The following ASH1L variants were observed in gnomAD, a reference collection of about 807,000 sequenced individuals.
ASH1L encodes histone-lysine N-methyltransferase ASH1L.
In ASH1L, 23 loss-of-function variants were observed where a neutral mutation model predicts 269.0. The observed-to-expected ratio is 0.09, with a 90% CI of 0.06 to 0.12. The LOEUF (loss-of-function observed/expected upper bound fraction) is 0.12. ASH1L is among the 10% of genes least tolerant of loss of function. ASH1L has a pLI of 1.00. For synonymous variants in ASH1L, 1,187 were observed against 1,253.5 expected (o/e 0.95, Z 1.12); for missense variants, 2,912 against 3,567.8 (o/e 0.82, Z 4.68).
At chr1:155,490,921 T>A (rs1204998314) in intron 2 of ASH1L, among the ~76,000 whole-genome samples, 2 of 118,588 alleles carry the variant, frequency 1.7e-5, no homozygotes, top group Non-Finnish European at 3.2e-5. Flanking sequence ...TGAGCCATGA[T>A]CACACCACTG....
intron 5 of ASH1L, among the ~76,000 whole-genome samples, chr1:155,417,319 A>G (rs1402735562): frequency 2.0e-5 from 3 of 152,078 alleles, no homozygotes; most frequent in African/African-American, 7.2e-5. Flanking sequence ...GAAAAGGGAT[A>G]TATCAGAGTA....
intron 6 of ASH1L, among the ~76,000 whole-genome samples, chr1:155,403,327 A>C (rs1045103673): frequency 6.6e-5 from 10 of 152,314 alleles, no homozygotes; most frequent in African/African-American, 2.2e-4. Context: ...TTCAAAAAAA[A>C]CCAAAAAAAC....
At chr1:155,464,493 GA>G (rs1239681434) in intron 3 of ASH1L, among the ~76,000 whole-genome samples, 7 of 151,630 alleles carry the variant, frequency 4.6e-5, no homozygotes, top group Middle Eastern at 3.2e-3. Context: ...ATAAATGCAG[GA>G]AGTAGAAATT....
chr1:155,401,452 T>A (rs1426486812), intron 6 of ASH1L, among the ~76,000 whole-genome samples: 1 of 134,284 alleles, frequency 7.4e-6, no homozygotes, highest in African/African-American at 2.9e-5. Flanking sequence ...GACTCCAGCC[T>A]GGGTGACACA....
At chr1:155,491,792 C>G (rs756589584) in intron 2 of ASH1L, among the ~76,000 whole-genome samples, 12 of 151,966 alleles carry the variant, frequency 7.9e-5, no homozygotes, top group Non-Finnish European at 1.8e-4. Context: ...GCCTCAGCCT[C>G]CCAAGTAGCT....
At chr1:155,457,455 G>T (rs558693896) in intron 4 of ASH1L, among the ~76,000 whole-genome samples, 1 of 152,014 alleles carries the variant, frequency 6.6e-6, no homozygotes, top group East Asian at 1.9e-4. Context: ...GCCTTTCTTC[G>T]AAAGTGCTGT....
intron 17 of ASH1L, 135 bp downstream of exon 17, chr1:155,352,571 T>C (rs1654026996): frequency 2.3e-6 from 2 of 868,688 alleles, no homozygotes; most frequent in African/African-American, 1.8e-5. Context: ...TTGGGAGGCC[T>C]AGACAGAAGG....
In ASH1L at chr1:155,562,146, T is replaced by C; in HGVS notation, c.-100+7A>G. On this transcript the variant is annotated splice_region_variant and intron_variant, in intron 1 of 27. Coordinates refer to ENST00000392403, the MANE Select transcript of ASH1L (RefSeq NM_018489.3). ...GCCCGAATGCCGGCCCAAATCGTTC[T>C]ACTCACCGTGTCGGAGGCCGAGGCC... The C allele has an allele frequency of 6.5e-7, 1 of 1,541,114 alleles. No individual in the cohort carries two copies. Among genetic ancestry groups the C allele is most frequent in the Non-Finnish European group, 8.9e-7 (1 of 1,123,406 alleles).
chr1:155,532,468 T>A (rs1669732380), intron 1 of ASH1L, among the ~76,000 whole-genome samples: 1 of 152,132 alleles, frequency 6.6e-6, no homozygotes, highest in Admixed American at 6.6e-5. Context: ...GCCATTCTAA[T>A]CCCACATCCA....
chr1:155,413,268 T>C (rs1480502907), intron 6 of ASH1L, among the ~76,000 whole-genome samples: 1 of 152,168 alleles, frequency 6.6e-6, no homozygotes, highest in Non-Finnish European at 1.5e-5. Flanking sequence ...GCAATTTAAA[T>C]TCTAGCCAAT....
chr1:155,352,167 T>C (rs1274704012), intron 17 of ASH1L, among the ~76,000 whole-genome samples: 1 of 151,896 alleles, frequency 6.6e-6, no homozygotes, highest in African/African-American at 2.4e-5. Context: ...GAGATGAGCC[T>C]ACTTGAGAAT....
intron 10 of ASH1L, among the ~76,000 whole-genome samples, chr1:155,373,632 T>C (rs183981242): frequency 3.9e-5 from 6 of 152,108 alleles, no homozygotes; most frequent in East Asian, 3.9e-4. Context: ...TTTTGGTGTA[T>C]GGTTTGAAAT....
intron 6 of ASH1L, among the ~76,000 whole-genome samples, chr1:155,397,734 G>C (rs893343802): frequency 6.6e-6 from 1 of 151,882 alleles, no homozygotes; most frequent in African/African-American, 2.4e-5. Context: ...GCTATTTTTT[G>C]TATTTTTAGT....
At chr1:155,517,958 G>T (rs1243472407) in intron 2 of ASH1L, among the ~76,000 whole-genome samples, 1 of 151,046 alleles carries the variant, frequency 6.6e-6, no homozygotes, top group African/African-American at 2.4e-5. Context: ...CCGCCACTAC[G>T]CCCGGCTAAT....
At chr1:155,415,629 A>G in intron 6 of ASH1L, 115 bp downstream of exon 6, 1 of 1,257,974 alleles carries the variant, frequency 7.9e-7, no homozygotes, top group East Asian at 2.3e-5. Flanking sequence ...GAGTGCAAAA[A>G]CACAATCATC....
Position 155,481,412 on chromosome 1 carries a change from T to G in ASH1L, c.1458A>C (p.Glu486Asp). Reference protein sequence around the residue: ...SILEKFSVRKEIINLEKEMFN... With the variant: ...SILEKFSVRKDIINLEKEMFN... ...ACATTTCTTTCTCCAAATTAATGAT[T>G]TCTTTTCGTACTGAGAACTTTTCCA... The change falls in exon 3 of 28, where the codon GAA becomes GAC. Residue 486 changes from glutamate (E) to aspartate (D), a missense_variant. Coordinates refer to ENST00000392403, the MANE Select transcript of ASH1L (RefSeq NM_018489.3). 1 of 1,614,026 alleles carries G rather than the reference T, an allele frequency of 6.2e-7. No homozygotes were observed. Among genetic ancestry groups the G allele is most frequent in the Non-Finnish European group, 8.5e-7 (1 of 1,179,972 alleles).
At chr1:155,339,269 G>T in intron 26 of ASH1L, 59 bp downstream of exon 26, 1 of 1,506,868 alleles carries the variant, frequency 6.6e-7, no homozygotes, top group South Asian at 1.1e-5. Flanking sequence ...TTGTTTTCTT[G>T]ATCCATTCAA....
intron 7 of ASH1L, among the ~76,000 whole-genome samples, chr1:155,390,668 C>T (rs918147792): frequency 2.9e-4 from 36 of 122,690 alleles, no homozygotes; most frequent in African/African-American, 9.1e-4. Flanking sequence ...TTTTTTGAGA[C>T]GGAGTCTCGC....
chr1:155,550,731 T>C (rs941023746), intron 1 of ASH1L, among the ~76,000 whole-genome samples: 1 of 152,238 alleles, frequency 6.6e-6, no homozygotes, highest in African/African-American at 2.4e-5. Context: ...TTCCCATTTA[T>C]TTAATATTGT....
Sources: allele counts gnomAD v4.1 joint callset (sites outside exome capture counted in the v4.1 genomes callset), GRCh38; gene constraint gnomAD v4.1.1; transcripts MANE v1.5; gene names NCBI Gene and HGNC (gene_info 2026-07-23, HGNC 2026-07-21).